Variants in SCHIP1 observed in about 807,000 individuals in gnomAD.
The protein encoded by SCHIP1 is schwannomin-interacting protein 1.
In SCHIP1, 8 loss-of-function variants were observed where a neutral mutation model predicts 29.7. That is an observed-to-expected ratio of 0.27 (90% CI 0.16 to 0.49). The LOEUF (loss-of-function observed/expected upper bound fraction) is 0.49. Among genes scored for constraint, SCHIP1 ranks in the 20% least tolerant of loss-of-function variants. The pLI is 0.99. For missense variants in SCHIP1, 193 were observed against 294.6 expected (o/e 0.66, Z 2.52); for synonymous variants, 76 against 94.9 (o/e 0.80, Z 1.16).
chr3:159,473,248 C>T, the SCHIP1 span, among the ~76,000 whole-genome samples: 2 of 152,026 alleles, frequency 1.3e-5, no homozygotes, highest in African/African-American at 4.8e-5. Flanking sequence ...ACTGTCAATG[C>T]TTTAGGCTGC....
chr3:159,577,944 C>A, the SCHIP1 span, among the ~76,000 whole-genome samples: 1 of 152,118 alleles, frequency 6.6e-6, no homozygotes, highest in Admixed American at 6.6e-5. Context: ...ATAATGCAAG[C>A]AAAAACAAAA....
At chr3:159,629,534 A>T in the SCHIP1 span, among the ~76,000 whole-genome samples, 1 of 152,186 alleles carries the variant, frequency 6.6e-6, no homozygotes, top group Non-Finnish European at 1.5e-5. Context: ...TGGCAGTTGC[A>T]GTCAACAGCA....
the SCHIP1 span, among the ~76,000 whole-genome samples, chr3:159,806,339 C>G: frequency 6.6e-6 from 1 of 152,098 alleles, no homozygotes; most frequent in African/African-American, 2.4e-5. Flanking sequence ...AGAATGGGTT[C>G]TTCTTTGGTC....
chr3:159,840,026 TGCGCA>T, exon 1 of SCHIP1: 1 of 1,459,252 alleles, frequency 6.9e-7, no homozygotes, highest in Non-Finnish European at 9.0e-7. Context: ...GCAGTGCCAC[TGCGCA>T]GGTTGATCAG....
chr3:159,605,573 G>T, the SCHIP1 span, among the ~76,000 whole-genome samples: 27 of 152,130 alleles, frequency 1.8e-4, no homozygotes, highest in Non-Finnish European at 3.4e-4. Context: ...CTAAAAAACA[G>T]TCTGCTCTTG....
At chr3:159,499,840 A>C in the SCHIP1 span, among the ~76,000 whole-genome samples, 1,550 of 152,368 alleles carry the variant, frequency 0.01, 29 homozygotes, top group Admixed American at 0.045. Context: ...AAATGAGGAA[A>C]CTGAGGCTCA....
At chr3:159,699,843 G>A in the SCHIP1 span, among the ~76,000 whole-genome samples, 8 of 152,192 alleles carry the variant, frequency 5.3e-5, no homozygotes, top group Admixed American at 2.6e-4. Context: ...GTTTGTGCTA[G>A]AGCTTCTCCC....
the SCHIP1 span, among the ~76,000 whole-genome samples, chr3:159,621,542 A>C: frequency 6.6e-6 from 1 of 152,186 alleles, no homozygotes; most frequent in Admixed American, 6.5e-5. Flanking sequence ...TGTGTTCCCC[A>C]ATGAGGCTGC....
the SCHIP1 span, among the ~76,000 whole-genome samples, chr3:159,779,630 A>C: frequency 1.3e-5 from 2 of 151,932 alleles, no homozygotes; most frequent in Non-Finnish European, 2.9e-5. Context: ...CCAAGATCGC[A>C]CCATGGCACT....
the SCHIP1 span, among the ~76,000 whole-genome samples, chr3:159,372,843 T>A: frequency 6.6e-6 from 1 of 152,074 alleles, no homozygotes; most frequent in Non-Finnish European, 1.5e-5. Flanking sequence ...TGCAATTACA[T>A]GTTGTTTACA....
the SCHIP1 span, among the ~76,000 whole-genome samples, chr3:159,749,564 G>A: frequency 5.4e-3 from 824 of 152,194 alleles, 3 homozygotes; most frequent in African/African-American, 0.019. Context: ...AGGTTGCTGG[G>A]CATTGTGTGC....
the SCHIP1 span, among the ~76,000 whole-genome samples, chr3:159,643,179 A>C: frequency 6.6e-6 from 1 of 152,164 alleles, no homozygotes; most frequent in Admixed American, 6.6e-5. Flanking sequence ...TGTCTGCTAC[A>C]GGTGTTCACA....
chr3:159,863,609 A>G (rs1289299975), intron 1 of SCHIP1, among the ~76,000 whole-genome samples: 1 of 152,248 alleles, frequency 6.6e-6, no homozygotes, highest in Non-Finnish European at 1.5e-5. Context: ...CACACATATG[A>G]TAAAAACTAG....
chr3:159,840,812 A>G (rs1014735354), intron 1 of SCHIP1, among the ~76,000 whole-genome samples: 49 of 152,246 alleles, frequency 3.2e-4, no homozygotes, highest in African/African-American at 1.2e-3. Flanking sequence ...CTCCAAATAG[A>G]AAAATCTTAG....
At chr3:159,310,843 T>G in the SCHIP1 span, among the ~76,000 whole-genome samples, 1 of 152,116 alleles carries the variant, frequency 6.6e-6, no homozygotes, top group Non-Finnish European at 1.5e-5. Context: ...GTTAGGGAGA[T>G]TTTGGTAATA....
the SCHIP1 span, among the ~76,000 whole-genome samples, chr3:159,694,595 A>AGAAAGAAAGAAAGAAG: frequency 7.3e-6 from 1 of 137,404 alleles, no homozygotes; most frequent in African/African-American, 2.7e-5. Context: ...AAAGAAAGAA[A>AGAAAGAAAGAAAGAAG]GAAAGAAAGA....
At chr3:159,738,203 CTT>C in the SCHIP1 span, among the ~76,000 whole-genome samples, 51 of 150,268 alleles carry the variant, frequency 3.4e-4, no homozygotes, top group Non-Finnish European at 5.2e-4. Flanking sequence ...AAAAGTCAAT[CTT>C]TTAGAAATTG....
At chr3:159,274,665 G>A in the SCHIP1 span, 1 of 819,656 alleles carries the variant, frequency 1.2e-6, no homozygotes, top group African/African-American at 1.9e-5. Context: ...ATAATACTTT[G>A]AATTACTACC....
the SCHIP1 span, among the ~76,000 whole-genome samples, chr3:159,617,652 G>C: frequency 2.0e-5 from 3 of 152,126 alleles, no homozygotes; most frequent in African/African-American, 7.2e-5. Context: ...CCAGAGCTCA[G>C]AGCTTTGTCC....
Sources: gnomAD v4.1 joint callset for allele counts (sites outside exome capture counted in the v4.1 genomes callset) on GRCh38, gnomAD v4.1.1 for gene constraint, MANE v1.5 for transcripts, NCBI Gene and HGNC (gene_info 2026-07-23, HGNC 2026-07-21) for gene names.